PCDH12: variants seen among roughly 807,000 people sequenced by gnomAD.
The protein encoded by PCDH12 is protocadherin-12.
Under a neutral mutation model 70.9 loss-of-function variants are expected in PCDH12, and 45 were observed. The ratio of observed to expected loss-of-function variants is 0.63; its 90% confidence interval spans 0.50 to 0.81. The LOEUF (loss-of-function observed/expected upper bound fraction) is 0.81. PCDH12 is among the 40% of genes least tolerant of loss of function. The pLI is 0.00. For missense variants in PCDH12, 1,370 were observed against 1,491.7 expected (o/e 0.92, Z 1.34); for synonymous variants, 567 against 626.0 (o/e 0.91, Z 1.41).
At position 141,945,552 on chromosome 5, in the gene PCDH12, G is replaced by T. The variant is rs570831676; in HGVS notation, c.3384C>A (p.Pro1128=). The change falls in exon 4 of 4, where the codon CCC becomes CCA. Residue 1128 remains proline, a synonymous_variant. Transcript: ENST00000231484. ...GCAGCGCCTCGGAGGCGGCCTCCACGGGCATGCTGGAGCGCTGTTCCAGCA... is the reference window on the plus strand; with the variant it reads ...GCAGCGCCTCGGAGGCGGCCTCCACTGGCATGCTGGAGCGCTGTTCCAGCA... ...EMLLEQRSSM[P]VEAASEALRR... 1 of 1,613,918 alleles carries T rather than the reference G, an allele frequency of 6.2e-7. No individual in the cohort carries two copies.
In PCDH12 at chr5:141,958,106, T is replaced by C. The variant is rs1015225316; in HGVS notation, c.-255A>G. 2.0e-6 allele frequency: 1 copy of C among 508,362 alleles called. No homozygotes were observed. The highest frequency in any genetic ancestry group is 3.5e-6 in the Non-Finnish European group (1 of 286,218). 31.5% of individuals were successfully genotyped at this position (508,362 alleles called of 1,614,324 possible). A position where few individuals can be genotyped will look rare whatever the true frequency, so the allele number is the denominator to read the frequency against. ...GGGAGACCCCCTACTGGGGAACTAG[T>C]TGGTCCACTTCAGCAAATGATGGAC... On this transcript the variant is annotated 5_prime_UTR_variant, in exon 1 of 4. Coordinates refer to ENST00000231484, the MANE Select transcript of PCDH12 (RefSeq NM_016580.4).
rs1187375842 is a variant in PCDH12, at chr5:141,957,325, G to C, written c.527C>G (p.Pro176Arg). The change falls in exon 1 of 4, where the codon CCC becomes CGC. Residue 176 changes from proline to arginine, a missense_variant. Pro to Arg is a moderately radical substitution (Grantham distance 103). Coordinates refer to ENST00000231484, the MANE Select transcript of PCDH12 (RefSeq NM_016580.4). This position sits in a 1 kb window ranked among gnomAD's most constrained non-coding sequence, Gnocchi z 4.3. Reference sequence around the variant, plus strand: ...GACATCCAAGGCAAAGTGCTCACTGGGAGACAGAGTGTAGGTGTGCAGGGT... The same window carrying C: ...GACATCCAAGGCAAAGTGCTCACTGCGAGACAGAGTGTAGGTGTGCAGGGT... ...PNTLHTYTLS[P>R]SEHFALDVIV... The C allele has an allele frequency of 6.2e-7, 1 of 1,613,422 alleles. No individual in the cohort carries two copies.
rs1264548483 is a variant in PCDH12 at position 141,954,982 on chromosome 5, G to A, written c.2870C>T (p.Pro957Leu). The A allele has an allele frequency of 6.2e-7, 1 of 1,611,802 alleles. No homozygotes were observed. Among genetic ancestry groups the A allele is most frequent in the African/African-American group, 1.3e-5 (1 of 74,902 alleles). Residue 957 changes from proline (P) to leucine (L), a missense_variant, in exon 1 of 4, where the codon CCT (proline) becomes CTT (leucine). Physicochemically the swap from Pro to Leu is moderately conservative, Grantham distance 98. Coordinates refer to ENST00000231484, the MANE Select transcript of PCDH12 (RefSeq NM_016580.4). ...NPVEELTVDS[P>L]PVQQISQLLS... ...CCATGCCCCAGGTACCTGAACAGGA[G>A]GAGAATCCACAGTGAGCTCCTCCAC...
chr5:141,956,043 AGT>A lies in PCDH12; in HGVS notation c.1807_1808del (p.Thr603Ter). 1 of 1,614,088 alleles carries A rather than the reference AGT, an allele frequency of 6.2e-7. No individual in the cohort carries two copies. Among genetic ancestry groups the A allele is most frequent in the Non-Finnish European group, 8.5e-7 (1 of 1,179,998 alleles). ...TGTGAGTGGCCAGTGGAGGTGTGTC[AGT>A]GCCCGCTGGGCCCAAGCCATTGGGA... ...ETPNGLGPAG[T>X]DTPPLATHSS... On this transcript the variant is annotated frameshift_variant, in exon 1 of 4. Coordinates refer to ENST00000231484, the MANE Select transcript of PCDH12 (RefSeq NM_016580.4). LOFTEE classifies it high-confidence loss of function.
chr5:141,954,850 T>G (rs1753146665), intron 1 of PCDH12, 122 bp downstream of exon 1: 2 of 1,304,940 alleles, frequency 1.5e-6, no homozygotes, highest in Non-Finnish European at 2.1e-6. Flanking sequence ...ACCCAAAGCA[T>G]CAGAAAGTGC....
Position 141,956,091 on chromosome 5 carries a change from G to A in PCDH12, c.1761C>T (p.His587=), listed in dbSNP as rs1307722824. The part of the protein sequence containing the change: ...LSVLVNASTG[H]LLVPIETPNG... The stretch of plus-strand genomic sequence containing the variant: ...TGGGAGTCTCGATGGGCACCAGCAG[G>A]TGGCCTGTGGAGGCATTCACAAGCA... The change falls in exon 1 of 4, where the codon CAC becomes CAT. Residue 587 remains histidine (H), a synonymous_variant. Transcript: ENST00000231484. 1.2e-6 allele frequency: 2 copies of A among 1,614,200 alleles called. No individual in the cohort carries two copies. The highest frequency in any genetic ancestry group is 1.7e-6 in the Non-Finnish European group (2 of 1,180,030).
In PCDH12 at chr5:141,957,390, G is replaced by C; in HGVS notation, c.462C>G (p.Ile154Met). 3 of 1,613,694 alleles carry C rather than the reference G, an allele frequency of 1.9e-6. No individual in the cohort carries two copies. Among genetic ancestry groups the C allele is most frequent in the South Asian group, 2.2e-5 (2 of 90,968 alleles). ...CTGGGTCAAGAGCTCTGTCCAGGGG[G>C]ATCCGGGTTCGCAGAGAGGCGCTCT... The part of the protein sequence containing the change: ...ISESASLRTR[I>M]PLDRALDPDT... The change falls in exon 1 of 4, where the codon ATC becomes ATG. Residue 154 changes from isoleucine (I) to methionine (M), a missense_variant. Transcript: ENST00000231484. The surrounding 1 kb of genome is among the most constrained non-coding windows in gnomAD (Gnocchi z 4.3).
Position 141,955,917 on chromosome 5 carries a change from G to A in PCDH12, c.1935C>T (p.His645=). 1 of 1,614,212 alleles carries A rather than the reference G, an allele frequency of 6.2e-7. No individual in the cohort carries two copies. The highest frequency in any genetic ancestry group is 2.2e-5 in the East Asian group (1 of 44,884). ...LYSIRSGNEA[H]LFILNPHTGQ... ...CCGTATGAGGGTTGAGGATGAAGAG[G>A]TGGGCTTCATTTCCACTGCGGATGC... Residue 645 remains histidine (H), a synonymous_variant, in exon 1 of 4, where the codon CAC becomes CAT. Coordinates refer to ENST00000231484, the MANE Select transcript of PCDH12 (RefSeq NM_016580.4). This position sits in a 1 kb window ranked among gnomAD's most constrained non-coding sequence, Gnocchi z 5.5.
In PCDH12 at chr5:141,956,620, A is replaced by G. The variant is rs776859602; in HGVS notation, c.1232T>C (p.Met411Thr). ...GTCCAGTGTGGCATTGGTTAGCAAC[A>G]TGTATGTGTTGCCATTAGTTCTTTT... is the stretch of plus-strand genomic sequence containing the variant. ...RLKRTNGNTY[M>T]LLTNATLDRE... The change falls in exon 1 of 4, where the codon ATG becomes ACG. Residue 411 changes from methionine to threonine, a missense_variant. Met to Thr is a moderately conservative substitution (Grantham distance 81). Coordinates refer to ENST00000231484, the MANE Select transcript of PCDH12 (RefSeq NM_016580.4). The G allele has an allele frequency of 1.2e-5, 20 of 1,614,100 alleles. No homozygotes were observed. The highest frequency in any genetic ancestry group is 1.7e-5 in the Non-Finnish European group (20 of 1,180,044).
In PCDH12 at chr5:141,956,461, C is replaced by T. The variant is rs1753186226; in HGVS notation, c.1391G>A (p.Arg464Lys). The stretch of plus-strand genomic sequence containing the variant: ...GTTTTCCCGCGTGGAGACTTCATAC[C>T]TGCTTTTCTCAAACACAGGTGCATT... The part of the protein sequence containing the change: ...NDNAPVFEKS[R>K]YEVSTRENNL... The change falls in exon 1 of 4, where the codon AGG (arginine) becomes AAG (lysine). Residue 464 changes from arginine (R) to lysine (K), a missense_variant. Physicochemically the swap from Arg to Lys is conservative, Grantham distance 26. Transcript: ENST00000231484. The T allele has an allele frequency of 1.2e-6, 2 of 1,614,198 alleles. No individual in the cohort carries two copies. Among genetic ancestry groups the T allele is most frequent in the African/African-American group, 1.3e-5 (1 of 75,052 alleles).
At position 141,945,770 on chromosome 5, in the gene PCDH12, C is replaced by T; in HGVS notation, c.3166G>A (p.Ala1056Thr). ...ALDRLSAPDP[A>T]WMARLSLPLT... ...GGCAAAGAGAGTCTCGCCATCCAGG[C>T]CGGGTCAGGGGCGCTCAGCCGGTCC... Residue 1056 changes from alanine to threonine, a missense_variant, in exon 4 of 4, where the codon GCC becomes ACC. By Grantham distance (58) the Ala-to-Thr change is moderately conservative (BLOSUM62 0). Coordinates refer to ENST00000231484, the MANE Select transcript of PCDH12 (RefSeq NM_016580.4). The T allele has an allele frequency of 6.2e-7, 1 of 1,613,614 alleles. No individual in the cohort carries two copies. The highest frequency in any genetic ancestry group is 1.1e-5 in the South Asian group (1 of 91,058).
Position 141,957,585 on chromosome 5 carries a change from G to C in PCDH12, c.267C>G (p.Gly89=). The C allele has an allele frequency of 6.2e-7, 1 of 1,614,198 alleles. No homozygotes were observed. Among genetic ancestry groups the C allele is most frequent in the South Asian group, 1.1e-5 (1 of 91,086 alleles). ...VDSEEGLLST[G]RRLDREQLCR... is the part of the protein sequence containing the mutation. ...ACAGCTGCTCTCGATCCAGCCGCCT[G>C]CCTGTGCTGAGCAAGCCTTCCTCAG... The change falls in exon 1 of 4, where the codon GGC becomes GGG. Residue 89 remains glycine (G), a synonymous_variant. Coordinates refer to ENST00000231484, the MANE Select transcript of PCDH12 (RefSeq NM_016580.4). This position sits in a 1 kb window ranked among gnomAD's most constrained non-coding sequence, Gnocchi z 4.3.
chr5:141,949,263 G>A, intron 3 of PCDH12, 169 bp downstream of exon 3: 1 of 955,892 alleles, frequency 1.0e-6, no homozygotes, highest in Non-Finnish European at 1.2e-6. Context: ...GTAGAACCTG[G>A]TCTTTAAAAT....
intron 3 of PCDH12, 182 bp downstream of exon 3, chr5:141,949,250 A>G (rs1753023043): frequency 1.1e-6 from 1 of 934,774 alleles, no homozygotes; most frequent in South Asian, 4.9e-5. Context: ...AAAAAAAATC[A>G]AAGTAGAACC....
chr5:141,956,404 T>TAA lies in PCDH12; in HGVS notation c.1447_1448insTT (p.Lys483IlefsTer26). The TAA allele has an allele frequency of 1.2e-6, 2 of 1,614,212 alleles. No homozygotes were observed. The highest frequency in any genetic ancestry group is 1.7e-6 in the Non-Finnish European group (2 of 1,180,042). On this transcript the variant is annotated frameshift_variant, in exon 1 of 4. Coordinates refer to ENST00000231484, the MANE Select transcript of PCDH12 (RefSeq NM_016580.4). LOFTEE classifies it high-confidence loss of function. ...AATGCCCAAGTCTGCATCATGAGCCTTGATGGTAATGAGGTGAAGAGAGGG... is the reference window on the plus strand; with the variant it reads ...AATGCCCAAGTCTGCATCATGAGCCTAATGATGGTAATGAGGTGAAGAGAGGG...
Position 141,945,285 on chromosome 5 carries a change from G to T in PCDH12, c.*96C>A. On this transcript the variant is annotated 3_prime_UTR_variant, in exon 4 of 4. Transcript: ENST00000231484. ...TCAGTCACCCTAAAGTTCTCAGGCC[G>T]CCGCTAGCTAGTGAGTTACAAGATT... 1 of 1,438,068 alleles carries T rather than the reference G, an allele frequency of 7.0e-7. No homozygotes were observed. Among genetic ancestry groups the T allele is most frequent in the Non-Finnish European group, 9.4e-7 (1 of 1,068,262 alleles). 89.1% of individuals were successfully genotyped at this position (1,438,068 alleles called of 1,614,324 possible). A position where few individuals can be genotyped will look rare whatever the true frequency, so the allele number is the denominator to read the frequency against.
At position 141,949,354 on chromosome 5, in the gene PCDH12, A is replaced by G. The variant is rs572519680; in HGVS notation, c.3130+78T>C. On this transcript the variant is annotated intron_variant, in intron 3 of 3. Transcript: ENST00000231484. ...CAGAAACAGAATGGCTTTTCCCTGC[A>G]GTGGATTGGAGCAGAACTCTGAAGC... The G allele has an allele frequency of 2.7e-5, 41 of 1,503,456 alleles. No individual in the cohort carries two copies. In the African/African-American group the frequency reaches 4.9e-4, roughly 18 times the overall value. 93.1% of individuals were successfully genotyped at this position (1,503,456 alleles called of 1,614,324 possible). A position where few individuals can be genotyped will look rare whatever the true frequency, so the allele number is the denominator to read the frequency against.
chr5:141,952,217 G>A (rs1753098273), intron 1 of PCDH12, among the ~76,000 whole-genome samples: 1 of 152,174 alleles, frequency 6.6e-6, no homozygotes, highest in Non-Finnish European at 1.5e-5. Context: ...GAGGCTGGCT[G>A]GAGATCAGGG....
chr5:141,955,856 G>A lies in PCDH12; in HGVS notation c.1996C>T (p.Leu666Phe), dbSNP rs747993960. The A allele has an allele frequency of 8.1e-6, 13 of 1,614,024 alleles. No individual in the cohort carries two copies. The Admixed American group carries it at 8.3e-5, about 10-fold the overall frequency. Residue 666 changes from leucine (L) to phenylalanine (F), a missense_variant, in exon 1 of 4, where the codon CTC becomes TTC. Leu to Phe is a conservative substitution (Grantham distance 22, BLOSUM62 0). Transcript: ENST00000231484. The surrounding 1 kb of genome is among the most constrained non-coding windows in gnomAD (Gnocchi z 5.5). ...TCCAGCTCCCACTCACTCCCAATGA[G>A]GCTGCTGGCATTGGTGACATTGACG... is the stretch of plus-strand genomic sequence containing the variant. ...LFVNVTNASS[L>F]IGSEWELEIV...
Sources: allele counts gnomAD v4.1 joint callset (sites outside exome capture counted in the v4.1 genomes callset), GRCh38; gene constraint gnomAD v4.1.1; non-coding constraint Gnocchi (gnomAD v3.1); transcripts MANE v1.5; gene names NCBI Gene and HGNC (gene_info 2026-07-23, HGNC 2026-07-21).